The following RFX8 variants were observed in gnomAD, a reference collection of about 807,000 sequenced individuals.
RFX8 encodes the protein DNA-binding protein RFX8.
In RFX8, 46 loss-of-function variants were observed where a neutral mutation model predicts 54.6. The observed-to-expected ratio is 0.84, with a 90% CI of 0.67 to 1.08. The LOEUF (loss-of-function observed/expected upper bound fraction) is 1.08, where lower values mean the gene tolerates loss of function less well. RFX8 is among the 50% of genes least tolerant of loss of function. The probability of loss-of-function intolerance (pLI) is 0.00; values close to 1 mark genes in which losing one functional copy is unlikely to be tolerated. For missense variants in RFX8, 536 were observed against 562.3 expected, an observed-to-expected ratio of 0.95 and a Z score of 0.47; for synonymous variants, 192 against 209.5, an observed-to-expected ratio of 0.92 and a Z score of 0.72.
chr2:101,447,834 C>G (rs1033901387), intron 2 of RFX8, among the ~76,000 whole-genome samples: 2 of 152,198 alleles, frequency 1.3e-5, no homozygotes, highest in Non-Finnish European at 2.9e-5. Flanking sequence ...CTTATTTTAG[C>G]TCTCTCCTAT....
chr2:101,409,181 G>A (rs1179854535), intron 9 of RFX8, among the ~76,000 whole-genome samples: 5 of 152,108 alleles, frequency 3.3e-5, no homozygotes, highest in Non-Finnish European at 7.4e-5. Flanking sequence ...CTCAAGAGGT[G>A]GGGCCCGGGC....
In RFX8 at chr2:101,406,247, C is replaced by T. The variant is rs72973921; in HGVS notation, c.814-190G>A. ...GGTCTTTCTCTGTCTTCCATGGAGACGGTTCCAGGGCAGAGCCCTTTAAAG... is the reference window on the plus strand; with the variant it reads ...GGTCTTTCTCTGTCTTCCATGGAGATGGTTCCAGGGCAGAGCCCTTTAAAG... On this transcript the variant is annotated intron_variant, in intron 9 of 11. Transcript: ENST00000428343. Among the ~76,000 whole-genome samples, 330 of 151,892 alleles carry T rather than the reference C, an allele frequency of 2.2e-3. 2 individuals carry two copies. The highest frequency in any genetic ancestry group is 7.2e-3 in the African/African-American group (299 of 41,420).
At chr2:101,400,520 TGCACCC>T (rs1558831242) in intron 11 of RFX8, among the ~76,000 whole-genome samples, 1 of 152,190 alleles carries the variant, frequency 6.6e-6, no homozygotes, top group Non-Finnish European at 1.5e-5. Flanking sequence ...CTATAAATTC[TGCACCC>T]GCCACCCTGT....
intron 8 of RFX8, among the ~76,000 whole-genome samples, chr2:101,411,515 A>G (rs933675440): frequency 6.6e-6 from 1 of 151,674 alleles, no homozygotes; most frequent in Non-Finnish European, 1.5e-5. Flanking sequence ...GGGGTGTCTC[A>G]TGCCCTCCTG....
chr2:101,409,354 C>T (rs1274929327), intron 9 of RFX8, among the ~76,000 whole-genome samples: 1 of 152,042 alleles, frequency 6.6e-6, no homozygotes, highest in Non-Finnish European at 1.5e-5. Flanking sequence ...TCCCGAGTAG[C>T]TGGGACTACA....
intron 1 of RFX8, among the ~76,000 whole-genome samples, chr2:101,467,135 G>A (rs1689615701): frequency 6.6e-6 from 1 of 152,162 alleles, no homozygotes; most frequent in South Asian, 2.1e-4. Flanking sequence ...CCCATAACGT[G>A]TTTCTGTTTT....
chr2:101,466,736 G>T, intron 2 of RFX8, 41 bp downstream of exon 2: 1 of 1,364,538 alleles, frequency 7.3e-7, no homozygotes, highest in Non-Finnish European at 1.0e-6. Context: ...TCCCTTTTTT[G>T]CACTCAGTGA....
intron 2 of RFX8, among the ~76,000 whole-genome samples, chr2:101,427,350 C>G (rs917065178): frequency 1.3e-5 from 2 of 152,180 alleles, no homozygotes; most frequent in Non-Finnish European, 2.9e-5. Context: ...AAAAGGCCAC[C>G]TTTCCCAGCT....
At chr2:101,418,721 C>A in intron 5 of RFX8, 130 bp downstream of exon 5, 1 of 687,432 alleles carries the variant, frequency 1.5e-6, no homozygotes, top group Non-Finnish European at 2.7e-6. Context: ...GGCTCCTGGT[C>A]CATACACCCC....
At chr2:101,459,417 T>C (rs1689150652) in intron 2 of RFX8, among the ~76,000 whole-genome samples, 1 of 152,198 alleles carries the variant, frequency 6.6e-6, no homozygotes, top group South Asian at 2.1e-4. Context: ...TCCTTTTTGT[T>C]GATGTTCATG....
intron 7 of RFX8, among the ~76,000 whole-genome samples, chr2:101,414,543 C>T (rs182666324): frequency 0.011 from 1,623 of 152,088 alleles, 31 homozygotes; most frequent in African/African-American, 0.037. Context: ...CAAAGTGCCG[C>T]GATTACAGGT....
intron 4 of RFX8, 28 bp downstream of exon 4, chr2:101,421,696 C>T: frequency 6.5e-6 from 10 of 1,545,050 alleles, no homozygotes; most frequent in Non-Finnish European, 8.7e-6. Flanking sequence ...AGATAAAACC[C>T]TACCCTCTCA....
chr2:101,465,235 G>A (rs369912288), intron 2 of RFX8, among the ~76,000 whole-genome samples: 2 of 152,180 alleles, frequency 1.3e-5, no homozygotes, highest in Admixed American at 6.5e-5. Flanking sequence ...ATAGGTGGCC[G>A]GGCACACTGG....
At chr2:101,421,539 C>T (rs143116287) in intron 4 of RFX8, 185 bp downstream of exon 4, 55 of 1,307,842 alleles carry the variant, frequency 4.2e-5, no homozygotes, top group East Asian at 6.0e-5. Flanking sequence ...CACTGAATAT[C>T]GATCTCACCT....
Position 101,427,517 on chromosome 2 carries a change from C to T in RFX8, c.73-5045G>A, listed in dbSNP as rs371888570. The stretch of plus-strand genomic sequence containing the variant: ...TTCCCTAGAATGTCCGGGAGGAACA[C>T]GGCTCTGCGAACATGTTGATCTTAG... On this transcript the variant is annotated intron_variant, in intron 2 of 11. Coordinates refer to ENST00000428343, the MANE Select transcript of RFX8 (RefSeq NM_001145664.2). Among the ~76,000 whole-genome samples, 15 of 152,268 alleles carry T rather than the reference C, an allele frequency of 9.9e-5. No homozygotes were observed. In the South Asian group the frequency reaches 1.2e-3, roughly 13 times the overall value.
At chr2:101,465,648 G>C (rs1689534233) in intron 2 of RFX8, among the ~76,000 whole-genome samples, 1 of 152,156 alleles carries the variant, frequency 6.6e-6, no homozygotes. Context: ...ACAACATTTT[G>C]TATTTATATA....
chr2:101,462,390 G>A (rs762327982), intron 2 of RFX8, among the ~76,000 whole-genome samples: 4 of 152,186 alleles, frequency 2.6e-5, no homozygotes, highest in Non-Finnish European at 4.4e-5. Context: ...AGATCATGTC[G>A]CTGTATTCCA....
intron 2 of RFX8, among the ~76,000 whole-genome samples, chr2:101,451,659 A>T (rs1244642568): frequency 1.4e-5 from 2 of 146,736 alleles, no homozygotes; most frequent in Non-Finnish European, 3.0e-5. Flanking sequence ...ATTGCACTCC[A>T]GCCTGGGCGA....
intron 2 of RFX8, among the ~76,000 whole-genome samples, chr2:101,439,241 T>C (rs1172467050): frequency 6.6e-6 from 1 of 152,162 alleles, no homozygotes; most frequent in Non-Finnish European, 1.5e-5. Context: ...GTTTGTTTCT[T>C]TTACTGTTGA....
Sources: gnomAD v4.1 joint callset for allele counts (sites outside exome capture counted in the v4.1 genomes callset) on GRCh38, gnomAD v4.1.1 for gene constraint, MANE v1.5 for transcripts, NCBI Gene and HGNC (gene_info 2026-07-23, HGNC 2026-07-21) for gene names.